Variants in CCDC169 observed in about 807,000 individuals in gnomAD.
CCDC169 encodes the protein coiled-coil domain-containing protein 169.
Under a neutral mutation model 36.0 loss-of-function variants are expected in CCDC169, and 30 were observed. The ratio of observed to expected loss-of-function variants is 0.83; its 90% CI spans 0.62 to 1.13. The LOEUF (loss-of-function observed/expected upper bound fraction) is 1.13, where lower values mean the gene tolerates loss of function less well. CCDC169 is among the 50% of genes most tolerant of loss of function. The pLI, the probability that CCDC169 is intolerant of heterozygous loss-of-function variation, is 0.00. For missense variants in CCDC169, 245 were observed against 245.9 expected (o/e 1.00, Z 0.03); for synonymous variants, 85 against 81.5 (o/e 1.04, Z -0.23).
chr13:36,235,811 G>C (rs919257424), intron 7 of CCDC169, among the ~76,000 whole-genome samples: 1 of 151,226 alleles, frequency 6.6e-6, no homozygotes, highest in Non-Finnish European at 1.5e-5. Context: ...AGGGTTTCTG[G>C]ATTTAAGATC....
chr13:36,259,571 C>T (rs558941014), intron 4 of CCDC169, among the ~76,000 whole-genome samples: 45 of 152,286 alleles, frequency 3.0e-4, no homozygotes, highest in Non-Finnish European at 5.1e-4. Context: ...CAATTGGTTA[C>T]ACACTATGCA....
intron 4 of CCDC169, among the ~76,000 whole-genome samples, chr13:36,277,672 T>G (rs1876995420): frequency 6.6e-6 from 1 of 152,006 alleles, no homozygotes; most frequent in Non-Finnish European, 1.5e-5. Flanking sequence ...TTAAGAGGGT[T>G]AAATATCAGC....
At chr13:36,252,886 A>C (rs1485667742) in intron 6 of CCDC169, among the ~76,000 whole-genome samples, 2 of 152,230 alleles carry the variant, frequency 1.3e-5, no homozygotes, top group Non-Finnish European at 2.9e-5. Context: ...ATATTGATTA[A>C]ATATTTAAAC....
intron 2 of CCDC169, among the ~76,000 whole-genome samples, chr13:36,289,553 G>T (rs1297538620): frequency 6.6e-6 from 1 of 152,178 alleles, no homozygotes; most frequent in African/African-American, 2.4e-5. Context: ...TTTTTCATCA[G>T]GTTTAACTTC....
chr13:36,286,234 C>T (rs553496984), intron 2 of CCDC169, among the ~76,000 whole-genome samples: 16 of 152,284 alleles, frequency 1.1e-4, no homozygotes, highest in African/African-American at 3.8e-4. Context: ...TTTCTTCCTG[C>T]TATGGTGTCT....
chr13:36,282,244 C>G (rs1877625497), intron 4 of CCDC169, among the ~76,000 whole-genome samples: 1 of 152,188 alleles, frequency 6.6e-6, no homozygotes, highest in Non-Finnish European at 1.5e-5. Context: ...AATTTAAGCC[C>G]TTTTCCCTAA....
At chr13:36,267,468 C>A (rs183975110) in intron 4 of CCDC169, among the ~76,000 whole-genome samples, 1 of 152,142 alleles carries the variant, frequency 6.6e-6, no homozygotes, top group East Asian at 1.9e-4. Context: ...AGTTCTAGAC[C>A]TTGAAACAAA....
chr13:36,285,102 AAC>A (rs1878008470), intron 2 of CCDC169, among the ~76,000 whole-genome samples: 1 of 152,236 alleles, frequency 6.6e-6, no homozygotes, highest in South Asian at 2.1e-4. Context: ...CTAACATGGT[AAC>A]GGATTCTTCA....
At chr13:36,239,984 C>G (rs978432026) in intron 7 of CCDC169, among the ~76,000 whole-genome samples, 1 of 152,128 alleles carries the variant, frequency 6.6e-6, no homozygotes, top group Non-Finnish European at 1.5e-5. Flanking sequence ...CTGCTAATCT[C>G]TTCCTATGCC....
At chr13:36,286,328 T>C (rs1234195262) in intron 2 of CCDC169, among the ~76,000 whole-genome samples, 1 of 152,136 alleles carries the variant, frequency 6.6e-6, no homozygotes. Flanking sequence ...TTAGTCAGAG[T>C]GTACCCAACC....
chr13:36,258,162 C>T (rs1317862330), intron 4 of CCDC169, among the ~76,000 whole-genome samples: 1 of 152,146 alleles, frequency 6.6e-6, no homozygotes, highest in Admixed American at 6.5e-5. Flanking sequence ...ATTGACACAA[C>T]AGTTTCTGGA....
chr13:36,258,759 T>A (rs1178590551), intron 4 of CCDC169, among the ~76,000 whole-genome samples: 1 of 152,128 alleles, frequency 6.6e-6, no homozygotes, highest in Non-Finnish European at 1.5e-5. Context: ...CGGGGGCTGC[T>A]CTGCTGATGG....
chr13:36,253,584 C>T (rs1873448880), intron 6 of CCDC169, among the ~76,000 whole-genome samples: 1 of 152,110 alleles, frequency 6.6e-6, no homozygotes, highest in Non-Finnish European at 1.5e-5. Context: ...ATCCGACCAC[C>T]TCAGCCTCCC....
chr13:36,292,950 G>A (rs917199907), intron 2 of CCDC169, among the ~76,000 whole-genome samples: 4 of 152,138 alleles, frequency 2.6e-5, no homozygotes, highest in African/African-American at 7.2e-5. Context: ...AGAAACAAGA[G>A]GGAAGAGGAT....
intron 4 of CCDC169, among the ~76,000 whole-genome samples, chr13:36,255,748 A>G (rs1873786626): frequency 6.6e-6 from 1 of 151,674 alleles, no homozygotes; most frequent in African/African-American, 2.4e-5. Flanking sequence ...TCTTCCCATA[A>G]TTGCATTCTG....
chr13:36,289,779 T>C (rs61950137), intron 2 of CCDC169, among the ~76,000 whole-genome samples: 23 of 152,228 alleles, frequency 1.5e-4, no homozygotes, highest in Non-Finnish European at 2.8e-4. Flanking sequence ...TTTAAGTCTT[T>C]CAATAATCAT....
chr13:36,238,208 G>T (rs867379997), intron 7 of CCDC169, among the ~76,000 whole-genome samples: 4 of 152,164 alleles, frequency 2.6e-5, no homozygotes, highest in Admixed American at 6.6e-5. Context: ...AGTTAGTGGT[G>T]ATGCTTGCAT....
rs141985634 is a variant in CCDC169, at chr13:36,286,340, C to T, written c.164-2638G>A. ...GCATTAGTCAGAGTGTACCCAACCA[C>T]CTTCTGCCTCTTTTGGGGTGTCGCT... is the stretch of plus-strand genomic sequence containing the variant. On this transcript the variant is annotated intron_variant, in intron 2 of 7. Transcript: ENST00000239859. Among the ~76,000 whole-genome samples the T allele has an allele frequency of 7.4e-4, 112 of 152,298 alleles. 1 individual carries two copies. In the Middle Eastern group the frequency reaches 0.014, roughly 19 times the overall value.
chr13:36,237,660 T>C (rs1871255654), intron 7 of CCDC169, among the ~76,000 whole-genome samples: 1 of 152,198 alleles, frequency 6.6e-6, no homozygotes, highest in Admixed American at 6.5e-5. Context: ...ATGAAAATGT[T>C]ATATTAAGCA....
Sources: allele counts gnomAD v4.1 joint callset (sites outside exome capture counted in the v4.1 genomes callset), GRCh38; gene constraint gnomAD v4.1.1; transcripts MANE v1.5; gene names NCBI Gene and HGNC (gene_info 2026-07-23, HGNC 2026-07-21).